ARID4A: variants seen among roughly 807,000 people sequenced by gnomAD.
ARID4A encodes AT-rich interaction domain 4A.
In ARID4A, 39 loss-of-function variants were observed where a neutral mutation model predicts 148.6. The ratio of observed to expected loss-of-function variants is 0.26; its 90% CI spans 0.20 to 0.34. ARID4A has a LOEUF of 0.34. ARID4A is among the 10% of genes least tolerant of loss of function. The pLI is 1.00. For synonymous variants in ARID4A, 475 were observed against 481.2 expected (o/e 0.99, Z 0.17); for missense variants, 1,265 against 1,449.1 (o/e 0.87, Z 2.06).
At chr14:58,338,623 G>A (rs953578740) in intron 11 of ARID4A, among the ~76,000 whole-genome samples, 2 of 152,098 alleles carry the variant, frequency 1.3e-5, no homozygotes, top group African/African-American at 4.8e-5. Context: ...GAGGACTTGT[G>A]ATGGAGTTTC....
chr14:58,352,004 G>GT (rs2034662491), intron 16 of ARID4A, among the ~76,000 whole-genome samples: 1 of 152,160 alleles, frequency 6.6e-6, no homozygotes, highest in South Asian at 2.1e-4. Flanking sequence ...AGCTGCTTCT[G>GT]TAAGTGTTGT....
At chr14:58,357,460 G>A (rs998286585) in intron 17 of ARID4A, among the ~76,000 whole-genome samples, 2 of 152,128 alleles carry the variant, frequency 1.3e-5, no homozygotes, top group Admixed American at 1.3e-4. Flanking sequence ...ATGGTTTCCA[G>A]ATACATGAGT....
intron 23 of ARID4A, 96 bp from the exon 24 acceptor site, chr14:58,371,790 G>A (rs1417475972): frequency 1.5e-5 from 14 of 942,152 alleles, no homozygotes; most frequent in Non-Finnish European, 1.7e-5. Context: ...TGTGATTAAG[G>A]TGAATAATGT....
chr14:58,351,222 A>G lies in ARID4A; in HGVS notation c.1554A>G (p.Leu518=). The change falls in exon 16 of 24, where the codon CTA becomes CTG. Residue 518 remains leucine, a synonymous_variant. Coordinates refer to ENST00000355431, the MANE Select transcript of ARID4A (RefSeq NM_002892.4). ...CAGAGAAAAAAGAAAATGAGCTACT[A>G]CTGGGGAGAAAAAATACACCAAAGC... The part of the protein sequence containing the change: ...ETAEKKENEL[L]LGRKNTPKQK... 6.2e-7 allele frequency: 1 copy of G among 1,613,264 alleles called. No individual in the cohort carries two copies. The highest frequency in any genetic ancestry group is 8.5e-7 in the Non-Finnish European group (1 of 1,179,882).
rs35021584 is a variant in ARID4A, at chr14:58,339,843, GGAGAGAGAGAGA to G, written c.907-4832_907-4821del. ...GCAAGCATATCTTCACGTGGCAACA[GGAGAGAGAGAGA>G]GAGAGAGAGAGAGAGAGAGCATGAG... On this transcript the variant is annotated intron_variant, in intron 11 of 23. Transcript: ENST00000355431. Among the ~76,000 whole-genome samples the G allele has an allele frequency of 7.0e-5, 10 of 142,304 alleles. No individual in the cohort carries two copies. The South Asian group carries it at 1.2e-3, about 16-fold the overall frequency. The allele number at this position is 142,304 out of a possible 152,430, so 93.4% of individuals were successfully genotyped here.
chr14:58,361,760 G>C (rs1169861362), intron 19 of ARID4A, among the ~76,000 whole-genome samples: 1 of 152,166 alleles, frequency 6.6e-6, no homozygotes, highest in Non-Finnish European at 1.5e-5. Context: ...TTGTGCACCT[G>C]TGTTTGGATG....
intron 5 of ARID4A, among the ~76,000 whole-genome samples, chr14:58,316,295 A>C (rs1219264281): frequency 1.4e-5 from 2 of 147,194 alleles, no homozygotes; most frequent in African/African-American, 2.7e-5. Context: ...TTTTGGGTAC[A>C]TATGTATGCT....
chr14:58,344,721 G>C lies in ARID4A; in HGVS notation c.933G>C (p.Glu311Asp), dbSNP rs764838287. 3 of 1,613,252 alleles carry C rather than the reference G, an allele frequency of 1.9e-6. No individual in the cohort carries two copies. The highest frequency in any genetic ancestry group is 2.5e-6 in the Non-Finnish European group (3 of 1,179,460). Residue 311 changes from glutamate to aspartate, a missense_variant, in exon 12 of 24, where the codon GAG becomes GAC. By Grantham distance (45) the Glu-to-Asp change is conservative. Transcript: ENST00000355431. ...EVPEEELDPE[E>D]RDNFLQQLYK... ...CTGAGGAAGAACTTGATCCTGAAGA[G>C]AGGGACAACTTCCTCCAGCAGCTTT...
chr14:58,342,963 C>T (rs180972874), intron 11 of ARID4A, among the ~76,000 whole-genome samples: 5 of 151,700 alleles, frequency 3.3e-5, no homozygotes, highest in South Asian at 2.1e-4. Context: ...GAGAATATTA[C>T]GATTACAGGG....
chr14:58,344,895 C>G, intron 12 of ARID4A, 128 bp downstream of exon 12: 1 of 727,508 alleles, frequency 1.4e-6, no homozygotes, highest in Admixed American at 3.0e-5. Flanking sequence ...TATTTTGAGG[C>G]AGGTTCTTGC....
intron 9 of ARID4A, 68 bp from the exon 10 acceptor site, chr14:58,329,460 A>G (rs2033397269): frequency 1.9e-6 from 2 of 1,058,800 alleles, no homozygotes; most frequent in African/African-American, 3.2e-5. Context: ...CTATGTGTTA[A>G]CATGAACTAT....
chr14:58,310,511 A>T (rs557150398), intron 5 of ARID4A, among the ~76,000 whole-genome samples: 2 of 152,306 alleles, frequency 1.3e-5, no homozygotes, highest in South Asian at 4.1e-4. Flanking sequence ...CCAGGAGCAC[A>T]TACTGGGGAA....
At chr14:58,340,555 G>A (rs1328225950) in intron 11 of ARID4A, among the ~76,000 whole-genome samples, 1 of 152,140 alleles carries the variant, frequency 6.6e-6, no homozygotes, top group Non-Finnish European at 1.5e-5. Flanking sequence ...TTACCGTGTT[G>A]CCCAGGCTGG....
rs896985066 is a variant in ARID4A, at chr14:58,298,596, G to C, written c.-162G>C. 3 of 152,984 alleles carry C rather than the reference G, an allele frequency of 2.0e-5. No individual in the cohort carries two copies. The highest frequency in any genetic ancestry group is 7.2e-5 in the African/African-American group (3 of 41,468). The allele number at this position is 152,984 out of a possible 1,614,324, so 9.5% of individuals were successfully genotyped here. ...CGGGGCGAGTGGGGAACCCGGCGCA[G>C]GAACTGCAGCCGCGGCTGGGAGTGG... On this transcript the variant is annotated 5_prime_UTR_variant, in exon 1 of 24. Coordinates refer to ENST00000355431, the MANE Select transcript of ARID4A (RefSeq NM_002892.4).
intron 3 of ARID4A, among the ~76,000 whole-genome samples, chr14:58,302,413 G>A (rs1191471799): frequency 6.6e-6 from 1 of 152,142 alleles, no homozygotes; most frequent in Non-Finnish European, 1.5e-5. Context: ...AGAATTGCTT[G>A]AACCCGGGAG....
chr14:58,367,160 C>G (rs1009344750), intron 23 of ARID4A, 131 bp downstream of exon 23: 1 of 722,258 alleles, frequency 1.4e-6, no homozygotes, highest in African/African-American at 1.9e-5. Flanking sequence ...CTAGTGTTTT[C>G]TATTGTTGAA....
intron 19 of ARID4A, among the ~76,000 whole-genome samples, chr14:58,361,572 T>A (rs1213023140): frequency 6.6e-6 from 1 of 152,174 alleles, no homozygotes; most frequent in Non-Finnish European, 1.5e-5. Context: ...TGACTTACAA[T>A]TAATACAGTG....
At chr14:58,358,622 A>G (rs2034996269) in intron 17 of ARID4A, among the ~76,000 whole-genome samples, 1 of 152,226 alleles carries the variant, frequency 6.6e-6, no homozygotes, top group Non-Finnish European at 1.5e-5. Context: ...CCTAAAGGCA[A>G]TGTAGTTCAG....
intron 5 of ARID4A, among the ~76,000 whole-genome samples, chr14:58,314,844 T>C (rs2032297636): frequency 6.6e-6 from 1 of 152,104 alleles, no homozygotes; most frequent in African/African-American, 2.4e-5. Flanking sequence ...TTAGTCTGGG[T>C]TCAGTGGCTC....
Sources: allele counts gnomAD v4.1 joint callset (sites outside exome capture counted in the v4.1 genomes callset), GRCh38; gene constraint gnomAD v4.1.1; transcripts MANE v1.5; gene names NCBI Gene and HGNC (gene_info 2026-07-23, HGNC 2026-07-21).